Variants in QRICH1 observed in about 807,000 individuals in gnomAD.
QRICH1 encodes transcriptional regulator QRICH1.
QRICH1 carries 16 observed loss-of-function variants against 87.1 expected under a neutral mutation model. The observed-to-expected ratio is 0.18, with a 90% CI of 0.12 to 0.28. The LOEUF (loss-of-function observed/expected upper bound fraction) is 0.28, where lower values mean the gene tolerates loss of function less well. Ranked by LOEUF, QRICH1 falls within the 10% of genes least tolerant of loss-of-function variation. QRICH1 has a pLI of 1.00. For synonymous variants in QRICH1, 367 were observed against 368.4 expected (o/e 1.00, Z 0.05); for missense variants, 647 against 951.7 (o/e 0.68, Z 4.21).
intron 1 of QRICH1, among the ~76,000 whole-genome samples, chr3:49,078,323 T>G (rs1204032755): frequency 6.6e-6 from 1 of 151,706 alleles, no homozygotes; most frequent in Non-Finnish European, 1.5e-5. Flanking sequence ...TCACCCATGG[T>G]AGTTGCTTCA....
chr3:49,060,202 A>G (rs1315769492), intron 2 of QRICH1, among the ~76,000 whole-genome samples: 4 of 136,108 alleles, frequency 2.9e-5, no homozygotes, highest in South Asian at 2.3e-4. Context: ...ATATACATAT[A>G]TATGTTTTTG....
intron 2 of QRICH1, among the ~76,000 whole-genome samples, chr3:49,061,577 GCA>G (rs2093435273): frequency 6.6e-6 from 1 of 152,180 alleles, no homozygotes; most frequent in South Asian, 2.1e-4. Context: ...ATGAGGCCAG[GCA>G]CAGTTGCTCA....
intron 6 of QRICH1, among the ~76,000 whole-genome samples, chr3:49,042,014 C>T (rs2093313174): frequency 6.6e-6 from 1 of 151,588 alleles, no homozygotes; most frequent in African/African-American, 2.4e-5. Context: ...CTCAAGTGAT[C>T]CACCTGCCTT....
chr3:49,072,062 G>A (rs1575367408), intron 2 of QRICH1, among the ~76,000 whole-genome samples: 1 of 152,178 alleles, frequency 6.6e-6, no homozygotes, highest in Non-Finnish European at 1.5e-5. Context: ...TGGGCGTGGT[G>A]GCTCATGCCT....
At chr3:49,070,694 C>G (rs1297163943) in intron 2 of QRICH1, among the ~76,000 whole-genome samples, 1 of 152,162 alleles carries the variant, frequency 6.6e-6, no homozygotes, top group East Asian at 1.9e-4. Context: ...TTCAGCTTCC[C>G]AAACAGCTGG....
chr3:49,084,493 G>A (rs538465799), intron 1 of QRICH1, among the ~76,000 whole-genome samples: 12 of 152,048 alleles, frequency 7.9e-5, no homozygotes, highest in Non-Finnish European at 1.2e-4. Flanking sequence ...GACCTCAAGC[G>A]ATCCACAGCA....
chr3:49,033,042 G>T, intron 7 of QRICH1, 78 bp downstream of exon 7: 1 of 1,147,446 alleles, frequency 8.7e-7, no homozygotes, highest in Non-Finnish European at 1.2e-6. Flanking sequence ...TATGTCAGAG[G>T]AATTCAGAAG....
chr3:49,044,036 T>C (rs1447436322), intron 6 of QRICH1, among the ~76,000 whole-genome samples: 1 of 152,190 alleles, frequency 6.6e-6, no homozygotes, highest in East Asian at 1.9e-4. Context: ...GAACATGCTG[T>C]CCAGAAGGCT....
At chr3:49,047,916 ACT>A (rs1358468176) in intron 3 of QRICH1, among the ~76,000 whole-genome samples, 1 of 151,958 alleles carries the variant, frequency 6.6e-6, no homozygotes. Context: ...ATAGAGCGAG[ACT>A]CTGTCTCGAA....
intron 5 of QRICH1, among the ~76,000 whole-genome samples, chr3:49,045,712 A>G (rs2093335233): frequency 6.6e-6 from 1 of 150,954 alleles, no homozygotes. Context: ...CAATCCTCCC[A>G]CCTCAGCCTC....
intron 6 of QRICH1, among the ~76,000 whole-genome samples, chr3:49,038,026 A>G (rs2093286044): frequency 6.6e-6 from 1 of 152,204 alleles, no homozygotes; most frequent in South Asian, 2.1e-4. Context: ...AATCAAAATA[A>G]TGAAATTTAT....
At chr3:49,046,280 A>G in intron 5 of QRICH1, 145 bp downstream of exon 5, 1 of 883,574 alleles carries the variant, frequency 1.1e-6, no homozygotes, top group East Asian at 2.9e-5. Context: ...AAAAAAAAAC[A>G]ACAAATGTGT....
intron 4 of QRICH1, 91 bp from the exon 5 acceptor site, chr3:49,046,670 A>G: frequency 7.3e-7 from 1 of 1,376,834 alleles, no homozygotes; most frequent in Non-Finnish European, 9.9e-7. Flanking sequence ...GTGCTGGGAT[A>G]GAAATGCTCA....
At position 49,046,499 on chromosome 3, in the gene QRICH1, G is replaced by T; in HGVS notation, c.1597C>A (p.Arg533=). 4 of 1,614,050 alleles carry T rather than the reference G, an allele frequency of 2.5e-6. No homozygotes were observed. The highest frequency in any genetic ancestry group is 3.4e-6 in the Non-Finnish European group (4 of 1,180,008). ...ELNYGLCLMT[R]EARNGEGEPY... ...TCACCTTCTCCATTTCGAGCTTCCC[G>T]TGTCATTAGACAGAGCCCATAATTC... The change falls in exon 5 of 10, where the codon CGG becomes AGG. Residue 533 remains arginine, a synonymous_variant. Coordinates refer to ENST00000395443, the MANE Select transcript of QRICH1 (RefSeq NM_198880.3).
intron 1 of QRICH1, among the ~76,000 whole-genome samples, chr3:49,082,243 C>T (rs182906396): frequency 6.6e-6 from 1 of 152,146 alleles, no homozygotes; most frequent in Non-Finnish European, 1.5e-5. Context: ...AGCAAGGTGT[C>T]CTCTATTTTT....
chr3:49,084,997 G>C (rs953300966), intron 1 of QRICH1, among the ~76,000 whole-genome samples: 1 of 145,130 alleles, frequency 6.9e-6, no homozygotes, highest in African/African-American at 2.5e-5. Context: ...AAAAAAATTA[G>C]CCGGGTGTGG....
chr3:49,032,008 C>T (rs904147384), intron 9 of QRICH1, among the ~76,000 whole-genome samples, 175 bp downstream of exon 9: 2 of 152,246 alleles, frequency 1.3e-5, no homozygotes, highest in Admixed American at 6.5e-5. Flanking sequence ...GCACATCACA[C>T]ACCTTTGGAA....
intron 6 of QRICH1, among the ~76,000 whole-genome samples, chr3:49,038,404 T>G (rs1004556916): frequency 6.6e-6 from 1 of 151,946 alleles, no homozygotes; most frequent in Non-Finnish European, 1.5e-5. Flanking sequence ...TTACCTTTTT[T>G]GTTGATTTAA....
intron 1 of QRICH1, among the ~76,000 whole-genome samples, chr3:49,089,351 C>T (rs2042229486): frequency 1.3e-5 from 2 of 152,260 alleles, no homozygotes; most frequent in African/African-American, 2.4e-5. Flanking sequence ...TGAGCCACTG[C>T]ACCCGGCCAT....
Sources: gnomAD v4.1 joint callset for allele counts (sites outside exome capture counted in the v4.1 genomes callset) on GRCh38, gnomAD v4.1.1 for gene constraint, MANE v1.5 for transcripts, NCBI Gene and HGNC (gene_info 2026-07-23, HGNC 2026-07-21) for gene names.